CEP112: variants seen among roughly 807,000 people sequenced by gnomAD.
The protein encoded by CEP112 is centrosomal protein 112, also known as centrosomal protein of 112 kDa.
A neutral mutation model predicts 153.0 loss-of-function variants in CEP112; 127 were observed. That is an observed-to-expected ratio of 0.83 (90% confidence interval 0.72 to 0.96). The LOEUF is 0.96. CEP112 is among the 40% of genes least tolerant of loss of function. The pLI is 0.00. For synonymous variants in CEP112, 358 were observed against 374.4 expected, an observed-to-expected ratio of 0.96 and a Z score of 0.51; for missense variants, 1,089 against 1,101.2, an observed-to-expected ratio of 0.99 and a Z score of 0.16.
At chr17:65,927,093 C>T (rs1451080590) in intron 19 of CEP112, among the ~76,000 whole-genome samples, 1 of 151,254 alleles carries the variant, frequency 6.6e-6, no homozygotes, top group Non-Finnish European at 1.5e-5. Flanking sequence ...AGTGAGCTCT[C>T]ACTCTGAGTT....
At chr17:65,704,508 G>A (rs1462830492) in intron 23 of CEP112, among the ~76,000 whole-genome samples, 1 of 151,500 alleles carries the variant, frequency 6.6e-6, no homozygotes, top group Admixed American at 6.6e-5. Flanking sequence ...CCCATGTGAG[G>A]GCCAACAGTC....
chr17:66,049,389 T>C (rs190935724), intron 12 of CEP112, among the ~76,000 whole-genome samples: 4 of 152,222 alleles, frequency 2.6e-5, no homozygotes, highest in Non-Finnish European at 5.9e-5. Flanking sequence ...TTATGACTTA[T>C]ATAACATTCT....
At chr17:66,158,703 C>T (rs1351999603) in intron 4 of CEP112, among the ~76,000 whole-genome samples, 2 of 152,068 alleles carry the variant, frequency 1.3e-5, no homozygotes, top group African/African-American at 2.4e-5. Context: ...GCTAAAGCAG[C>T]GTTTAGAGGG....
chr17:65,996,552 G>A lies in CEP112; in HGVS notation c.1736+9138C>T, dbSNP rs565499507. ...CTCCTTGTCCTGGCACATCTGATCCGCTGTGGCTGCAGCCAACCTCTCCAT... is the reference window on the plus strand; with the variant it reads ...CTCCTTGTCCTGGCACATCTGATCCACTGTGGCTGCAGCCAACCTCTCCAT... On this transcript the variant is annotated intron_variant, in intron 17 of 26. Coordinates refer to ENST00000535342, the MANE Select transcript of CEP112 (RefSeq NM_001199165.4). 3.1e-4 allele frequency among the ~76,000 whole-genome samples: 47 copies of A among 152,288 alleles called. 1 individual carries two copies. Among genetic ancestry groups the A allele is most frequent in the African/African-American group, 1.1e-3 (46 of 41,546 alleles).
intron 20 of CEP112, among the ~76,000 whole-genome samples, chr17:65,864,859 TACTATAGCC>T (rs781401993): frequency 6.6e-6 from 1 of 151,942 alleles, no homozygotes; most frequent in Non-Finnish European, 1.5e-5. Context: ...GTCAGAGTGC[TACTATAGCC>T]ACTATAGCCA....
chr17:65,993,601 T>C (rs187943145), intron 17 of CEP112, among the ~76,000 whole-genome samples: 3 of 152,260 alleles, frequency 2.0e-5, no homozygotes, highest in Admixed American at 6.5e-5. Flanking sequence ...CAAATGAATA[T>C]TGACAGTAGA....
At chr17:65,881,988 G>A (rs1352492248) in intron 20 of CEP112, among the ~76,000 whole-genome samples, 1 of 152,202 alleles carries the variant, frequency 6.6e-6, no homozygotes, top group Non-Finnish European at 1.5e-5. Flanking sequence ...TGGGACTTTT[G>A]ACTGTGTTCC....
intron 19 of CEP112, among the ~76,000 whole-genome samples, chr17:65,912,738 AAATTATATTG>A (rs2060335203): frequency 6.6e-6 from 1 of 152,232 alleles, no homozygotes; most frequent in African/African-American, 2.4e-5. Context: ...ACTGTATCCA[AAATTATATTG>A]ATCATCAAAT....
chr17:65,665,289 G>C (rs187169205), intron 24 of CEP112, among the ~76,000 whole-genome samples: 1 of 152,182 alleles, frequency 6.6e-6, no homozygotes, highest in Non-Finnish European at 1.5e-5. Flanking sequence ...CAGGACAGGA[G>C]GTACATTAAG....
intron 20 of CEP112, among the ~76,000 whole-genome samples, chr17:65,888,024 C>T (rs186480467): frequency 2.0e-4 from 30 of 152,154 alleles, no homozygotes; most frequent in Non-Finnish European, 3.8e-4. Context: ...TCCAGATGTC[C>T]ACGTCTTCCA....
At chr17:65,887,984 G>GA (rs2059341953) in intron 20 of CEP112, among the ~76,000 whole-genome samples, 1 of 151,772 alleles carries the variant, frequency 6.6e-6, no homozygotes. Flanking sequence ...GCACTTCCCT[G>GA]TTTTTTTTCT....
At chr17:65,818,713 A>C (rs1162584670) in intron 21 of CEP112, among the ~76,000 whole-genome samples, 1 of 151,918 alleles carries the variant, frequency 6.6e-6, no homozygotes, top group East Asian at 1.9e-4. Context: ...TTGGTTATTT[A>C]ACACAGCAGC....
At chr17:66,131,415 A>T (rs1186086820) in intron 5 of CEP112, among the ~76,000 whole-genome samples, 1 of 152,170 alleles carries the variant, frequency 6.6e-6, no homozygotes, top group Non-Finnish European at 1.5e-5. Flanking sequence ...GATAAAATGC[A>T]ATGAGTTATG....
intron 18 of CEP112, among the ~76,000 whole-genome samples, chr17:65,946,904 A>C (rs1319934293): frequency 6.6e-6 from 1 of 152,104 alleles, no homozygotes; most frequent in Non-Finnish European, 1.5e-5. Flanking sequence ...GACCTTGTGC[A>C]TCTTTTGTTA....
rs72631319 is a variant in CEP112, at chr17:66,044,982, T to A, written c.1218+8754A>T. 0.047 allele frequency among the ~76,000 whole-genome samples: 7,094 copies of A among 151,714 alleles called. 1,141 individuals carry two copies. In the East Asian group the frequency reaches 0.6, roughly 13 times the overall value. ...TCAATTTAAAAATAGACAAAGGGGA[T>A]GAAATGGCTATTTTAAAAGGCCAAG... On this transcript the variant is annotated intron_variant, in intron 12 of 26. Transcript: ENST00000535342.
chr17:65,961,742 G>A, intron 17 of CEP112, 144 bp from the exon 18 acceptor site: 1 of 707,982 alleles, frequency 1.4e-6, no homozygotes, highest in Non-Finnish European at 2.2e-6. Context: ...TTAGAAATTT[G>A]ACAATAAACT....
chr17:65,949,934 C>T, intron 18 of CEP112, among the ~76,000 whole-genome samples: 1 of 152,088 alleles, frequency 6.6e-6, no homozygotes, highest in East Asian at 1.9e-4. Flanking sequence ...TCTCCATTCT[C>T]TCCAATTTTT....
At chr17:65,768,430 C>T (rs980375296) in intron 21 of CEP112, among the ~76,000 whole-genome samples, 42 of 151,916 alleles carry the variant, frequency 2.8e-4, no homozygotes, top group Non-Finnish European at 5.7e-4. Context: ...AAACCTGTGT[C>T]GTTCAAGGGT....
intron 8 of CEP112, among the ~76,000 whole-genome samples, chr17:66,078,595 A>T (rs1268586275): frequency 6.6e-6 from 1 of 152,074 alleles, no homozygotes; most frequent in Non-Finnish European, 1.5e-5. Flanking sequence ...GGCCATTTAC[A>T]TGCAATGTTA....
Sources: allele counts gnomAD v4.1 joint callset (sites outside exome capture counted in the v4.1 genomes callset), GRCh38; gene constraint gnomAD v4.1.1; transcripts MANE v1.5; gene names NCBI Gene and HGNC (gene_info 2026-07-23, HGNC 2026-07-21).